The following ERI3 variants were observed in gnomAD, a reference collection of about 807,000 sequenced individuals.
ERI3 encodes ERI1 exoribonuclease family member 3, also known as ERI1 exoribonuclease 3.
ERI3 carries 18 observed loss-of-function variants against 44.4 expected under a neutral mutation model. The ratio of observed to expected loss-of-function variants is 0.41; its 90% CI spans 0.28 to 0.60. The LOEUF is 0.60. ERI3 is among the 20% of genes least tolerant of loss of function. ERI3 has a pLI of 0.36. For synonymous variants in ERI3, 183 were observed against 164.8 expected, an observed-to-expected ratio of 1.11 and a Z score of -0.84; for missense variants, 294 against 435.5, an observed-to-expected ratio of 0.68 and a Z score of 2.89.
intron 7 of ERI3, among the ~76,000 whole-genome samples, chr1:44,269,504 T>G (rs1645050233): frequency 6.6e-6 from 1 of 152,194 alleles, no homozygotes; most frequent in Admixed American, 6.5e-5. Flanking sequence ...ACAGACATAC[T>G]CAAGCCTGCA....
chr1:44,320,399 C>T (rs557738777), intron 3 of ERI3, among the ~76,000 whole-genome samples: 4 of 152,228 alleles, frequency 2.6e-5, no homozygotes, highest in African/African-American at 9.6e-5. Context: ...AAGAGAAGGA[C>T]AAGGAGTGAC....
intron 3 of ERI3, among the ~76,000 whole-genome samples, chr1:44,330,531 T>C (rs2154330311): frequency 6.6e-6 from 1 of 152,292 alleles, no homozygotes; most frequent in Non-Finnish European, 1.5e-5. Flanking sequence ...CCTTTCTGAC[T>C]CTCCCAACAC....
At chr1:44,341,395 G>A (rs183520307) in intron 2 of ERI3, among the ~76,000 whole-genome samples, 43 of 152,258 alleles carry the variant, frequency 2.8e-4, no homozygotes, top group Admixed American at 1.5e-3. Context: ...TGCCCACCTG[G>A]CCAAGCCTGG....
At chr1:44,335,535 G>A (rs972189691) in intron 3 of ERI3, among the ~76,000 whole-genome samples, 1 of 151,976 alleles carries the variant, frequency 6.6e-6, no homozygotes, top group Non-Finnish European at 1.5e-5. Flanking sequence ...TGAGGCGGGT[G>A]GATCACCTGA....
chr1:44,256,471 T>A (rs935574556), intron 7 of ERI3, among the ~76,000 whole-genome samples: 1 of 152,146 alleles, frequency 6.6e-6, no homozygotes, highest in Admixed American at 6.5e-5. Context: ...CACAAGCCCA[T>A]CCTCCCTAAC....
intron 8 of ERI3, among the ~76,000 whole-genome samples, chr1:44,230,717 TC>T (rs1644162312): frequency 6.6e-6 from 1 of 152,184 alleles, no homozygotes; most frequent in Non-Finnish European, 1.5e-5. Context: ...GCCACCTCCC[TC>T]CCGAGAGACC....
At chr1:44,239,342 T>C (rs1416379537) in intron 8 of ERI3, among the ~76,000 whole-genome samples, 8 of 152,158 alleles carry the variant, frequency 5.3e-5, no homozygotes, top group Admixed American at 4.6e-4. Flanking sequence ...ATTATCTCCA[T>C]CTTGTGGCAA....
chr1:44,230,043 G>A (rs1644141313), intron 8 of ERI3, among the ~76,000 whole-genome samples: 1 of 152,078 alleles, frequency 6.6e-6, no homozygotes, highest in Non-Finnish European at 1.5e-5. Flanking sequence ...CTTATTACAC[G>A]CCTTGTTAGA....
intron 7 of ERI3, among the ~76,000 whole-genome samples, chr1:44,259,585 T>C (rs1413372858): frequency 1.3e-5 from 2 of 152,004 alleles, no homozygotes; most frequent in Non-Finnish European, 1.5e-5. Context: ...CTCATGCCTA[T>C]AATCCCAGCA....
chr1:44,325,663 T>G (rs138661334), intron 3 of ERI3, among the ~76,000 whole-genome samples: 8 of 152,158 alleles, frequency 5.3e-5, no homozygotes, highest in Non-Finnish European at 1.0e-4. Flanking sequence ...ATAAATTCTG[T>G]TTTTTTGTTT....
intron 3 of ERI3, among the ~76,000 whole-genome samples, chr1:44,321,296 TG>T (rs1646197650): frequency 6.6e-6 from 1 of 152,046 alleles, no homozygotes; most frequent in African/African-American, 2.4e-5. Flanking sequence ...TCTCCAAAGA[TG>T]AGGAAGCTGA....
At chr1:44,267,603 C>T (rs912436563) in intron 7 of ERI3, among the ~76,000 whole-genome samples, 1 of 152,224 alleles carries the variant, frequency 6.6e-6, no homozygotes, top group Non-Finnish European at 1.5e-5. Context: ...AAACAACTGC[C>T]GGGTAATTAG....
chr1:44,242,105 C>T, intron 8 of ERI3: 3 of 985,720 alleles, frequency 3.0e-6, no homozygotes, highest in Non-Finnish European at 3.6e-6. Context: ...AGAGTTAACC[C>T]TTCTCATGAC....
At chr1:44,334,988 C>T (rs769508954) in intron 3 of ERI3, among the ~76,000 whole-genome samples, 2 of 152,194 alleles carry the variant, frequency 1.3e-5, no homozygotes, top group Non-Finnish European at 2.9e-5. Context: ...CTCCTATATA[C>T]TCAAGGGGTA....
chr1:44,272,668 C>T (rs1182673446), intron 7 of ERI3, among the ~76,000 whole-genome samples: 1 of 151,754 alleles, frequency 6.6e-6, no homozygotes, highest in South Asian at 2.1e-4. Flanking sequence ...ATGACGAGAC[C>T]CCATCTCTAC....
At chr1:44,352,713 A>G in intron 2 of ERI3, 137 bp downstream of exon 2, 1 of 909,412 alleles carries the variant, frequency 1.1e-6, no homozygotes, top group Non-Finnish European at 1.7e-6. Flanking sequence ...GAAGCTACAA[A>G]AAAATATGAT....
chr1:44,226,854 T>A (rs1355832578), intron 8 of ERI3, among the ~76,000 whole-genome samples: 1 of 151,952 alleles, frequency 6.6e-6, no homozygotes, highest in Non-Finnish European at 1.5e-5. Flanking sequence ...TCAGTTTTTT[T>A]AATATATTAA....
intron 7 of ERI3, among the ~76,000 whole-genome samples, chr1:44,268,665 A>C (rs1358537754): frequency 6.6e-6 from 1 of 152,124 alleles, no homozygotes. Context: ...TCACAGAAAG[A>C]CCATGGGTTG....
chr1:44,232,746 T>C (rs1644215322), intron 8 of ERI3, among the ~76,000 whole-genome samples: 1 of 152,200 alleles, frequency 6.6e-6, no homozygotes, highest in African/African-American at 2.4e-5. Context: ...AGACAACACA[T>C]TTCCTTTTGT....
Sources: gnomAD v4.1 joint callset for allele counts (sites outside exome capture counted in the v4.1 genomes callset) on GRCh38, gnomAD v4.1.1 for gene constraint, MANE v1.5 for transcripts, NCBI Gene and HGNC (gene_info 2026-07-23, HGNC 2026-07-21) for gene names.